Variants in PTPRM observed in about 807,000 individuals in gnomAD.
The protein encoded by PTPRM is protein tyrosine phosphatase receptor type M.
PTPRM carries 47 observed loss-of-function variants against 186.7 expected under a neutral mutation model. The observed-to-expected ratio is 0.25, with a 90% confidence interval of 0.20 to 0.32. The LOEUF (loss-of-function observed/expected upper bound fraction) is 0.32, where lower values mean the gene tolerates loss of function less well. PTPRM is among the 10% of genes least tolerant of loss of function. The pLI is 1.00. For missense variants in PTPRM, 1,494 were observed against 1,865.0 expected (o/e 0.80, Z 3.66); for synonymous variants, 668 against 674.9 (o/e 0.99, Z 0.16).
At chr18:8,246,781 G>A (rs528049819) in intron 15 of PTPRM, among the ~76,000 whole-genome samples, 41 of 152,246 alleles carry the variant, frequency 2.7e-4, no homozygotes, top group Admixed American at 7.9e-4. Context: ...GTTCTGTCAC[G>A]TACTGATTCT....
At chr18:7,737,390 C>T (rs1310940639) in intron 1 of PTPRM, among the ~76,000 whole-genome samples, 2 of 152,164 alleles carry the variant, frequency 1.3e-5, no homozygotes, top group Non-Finnish European at 2.9e-5. Flanking sequence ...CCACAGTGCC[C>T]GGCCAACTCT....
At chr18:8,067,454 C>T (rs549689174) in intron 7 of PTPRM, among the ~76,000 whole-genome samples, 1 of 152,184 alleles carries the variant, frequency 6.6e-6, no homozygotes, top group Admixed American at 6.5e-5. Context: ...GGGAACATTC[C>T]ATGAGAATGC....
At chr18:7,838,406 A>G (rs8095467) in intron 2 of PTPRM, among the ~76,000 whole-genome samples, 91,437 of 152,056 alleles carry the variant, frequency 0.6, 27,918 homozygotes, top group East Asian at 0.87. Context: ...GACACAGCCA[A>G]ATGATATCAT....
intron 3 of PTPRM, among the ~76,000 whole-genome samples, chr18:7,899,558 T>G (rs2049549018): frequency 6.6e-6 from 1 of 152,164 alleles, no homozygotes; most frequent in Admixed American, 6.5e-5. Flanking sequence ...ACTTTTAAAA[T>G]AATCACAATT....
intron 3 of PTPRM, among the ~76,000 whole-genome samples, chr18:7,892,619 G>A (rs977880305): frequency 6.6e-6 from 1 of 152,110 alleles, no homozygotes; most frequent in African/African-American, 2.4e-5. Context: ...ATAGCTTTTT[G>A]GTTCATTTTT....
rs1023107305 is a variant in PTPRM at position 8,380,532 on chromosome 18, T to C, written c.3918+105T>C. On this transcript the variant is annotated intron_variant, in intron 29 of 32. Transcript: ENST00000580170. ...GAAGTGCAGGCCCTAGTGCCAGATC[T>C]CAAGTGCCAGTTGAAGTTGAGAACT... The C allele has an allele frequency of 4.6e-5, 63 of 1,357,200 alleles. No individual in the cohort carries two copies. The African/African-American group carries it at 7.9e-4, about 17-fold the overall frequency. The allele number at this position is 1,357,200 out of a possible 1,614,324, so 84.1% of individuals were successfully genotyped here.
intron 1 of PTPRM, among the ~76,000 whole-genome samples, chr18:7,638,676 CATTTGTT>C (rs1339960349): frequency 6.6e-6 from 1 of 152,112 alleles, no homozygotes; most frequent in Non-Finnish European, 1.5e-5. Flanking sequence ...AGTTTTAGTG[CATTTGTT>C]ATTTAAGTAT....
intron 7 of PTPRM, among the ~76,000 whole-genome samples, chr18:7,998,473 T>C (rs556914828): frequency 6.6e-6 from 1 of 152,260 alleles, no homozygotes; most frequent in South Asian, 2.1e-4. Flanking sequence ...TTATGTGAAA[T>C]TTTTATGTAT....
intron 1 of PTPRM, among the ~76,000 whole-genome samples, chr18:7,585,615 TC>T (rs1326325816): frequency 1.4e-4 from 21 of 152,304 alleles, no homozygotes; most frequent in Admixed American, 3.9e-4. Context: ...AGGCTTTCTC[TC>T]TTTTTTTTTC....
chr18:7,942,609 G>A (rs978751656), intron 5 of PTPRM, among the ~76,000 whole-genome samples: 11 of 143,276 alleles, frequency 7.7e-5, no homozygotes, highest in African/African-American at 2.5e-4. Context: ...GCAGAAAGGG[G>A]CAAGTGGAAT....
rs141927597 is a variant in PTPRM at position 8,124,017 on chromosome 18, C to T, written c.2167+9190C>T. On this transcript the variant is annotated intron_variant, in intron 13 of 32. Coordinates refer to ENST00000580170, the MANE Select transcript of PTPRM (RefSeq NM_001105244.2). ...TGAATATAGTTTTCACTCTAAAACT[C>T]GCCTGATTCAGAAGATACTTCATAA... Among the ~76,000 whole-genome samples, 850 of 152,210 alleles carry T rather than the reference C, an allele frequency of 5.6e-3. 7 individuals are homozygous for T. Among genetic ancestry groups the T allele is most frequent in the African/African-American group, 0.019 (792 of 41,518 alleles).
chr18:8,147,377 T>C (rs1281506269), intron 14 of PTPRM, among the ~76,000 whole-genome samples: 1 of 152,200 alleles, frequency 6.6e-6, no homozygotes. Flanking sequence ...CCTTGTAAAT[T>C]GTATTCCTAG....
chr18:7,757,523 G>T (rs2041557229), intron 1 of PTPRM, among the ~76,000 whole-genome samples: 1 of 152,202 alleles, frequency 6.6e-6, no homozygotes, highest in Admixed American at 6.5e-5. Context: ...TAGTCAAGGA[G>T]TGACCCCTGG....
chr18:7,584,362 A>T (rs1351265985), intron 1 of PTPRM, among the ~76,000 whole-genome samples: 1 of 152,184 alleles, frequency 6.6e-6, no homozygotes, highest in Non-Finnish European at 1.5e-5. Context: ...TTTGTCGTCG[A>T]TTGTTAGGGA....
intron 1 of PTPRM, among the ~76,000 whole-genome samples, chr18:7,773,232 C>T (rs1372130360): frequency 3.3e-5 from 5 of 151,916 alleles, no homozygotes; most frequent in African/African-American, 1.2e-4. Context: ...AATTTATCAT[C>T]TCTTTTGATT....
At chr18:8,230,305 G>T (rs1375891040) in intron 14 of PTPRM, among the ~76,000 whole-genome samples, 8 of 152,204 alleles carry the variant, frequency 5.3e-5, no homozygotes, top group Non-Finnish European at 1.0e-4. Context: ...ATAGTTTGTT[G>T]TCTCTAGAGT....
intron 3 of PTPRM, 41 bp from the exon 4 acceptor site, chr18:7,906,464 A>T (rs1288056150): frequency 2.0e-6 from 3 of 1,496,714 alleles, no homozygotes; most frequent in Non-Finnish European, 2.8e-6. Flanking sequence ...TAAAAGTAAG[A>T]CAAAATGAAT....
chr18:8,167,587 T>C (rs2093341411), intron 14 of PTPRM, among the ~76,000 whole-genome samples: 2 of 152,246 alleles, frequency 1.3e-5, no homozygotes, highest in Admixed American at 1.3e-4. Flanking sequence ...GCCCTTTTCA[T>C]TGTAGTTGTA....
intron 2 of PTPRM, among the ~76,000 whole-genome samples, chr18:7,777,354 A>G (rs2042637746): frequency 6.6e-6 from 1 of 152,328 alleles, no homozygotes; most frequent in African/African-American, 2.4e-5. Flanking sequence ...AGCAAAAAGA[A>G]TAATAAAATT....
Sources: gnomAD v4.1 joint callset for allele counts (sites outside exome capture counted in the v4.1 genomes callset) on GRCh38, gnomAD v4.1.1 for gene constraint, MANE v1.5 for transcripts, NCBI Gene and HGNC (gene_info 2026-07-23, HGNC 2026-07-21) for gene names.